Variants in DAB1 observed in about 807,000 individuals in gnomAD.
DAB1 encodes the protein DAB adaptor protein 1.
Under a neutral mutation model 64.6 loss-of-function variants are expected in DAB1, and 15 were observed. That is an observed-to-expected ratio of 0.23 (90% CI 0.16 to 0.36). The LOEUF (loss-of-function observed/expected upper bound fraction) is 0.36. Ranked by LOEUF, DAB1 falls within the 10% of genes least tolerant of loss-of-function variation. The pLI, the probability that DAB1 is intolerant of heterozygous loss-of-function variation, is 1.00. For missense variants in DAB1, 596 were observed against 706.7 expected, an observed-to-expected ratio of 0.84 and a Z score of 1.78; for synonymous variants, 235 against 251.9, an observed-to-expected ratio of 0.93 and a Z score of 0.64.
intron 2 of DAB1, among the ~76,000 whole-genome samples, chr1:57,230,669 T>C (rs896495071): frequency 4.4e-5 from 5 of 114,512 alleles, no homozygotes; most frequent in Non-Finnish European, 1.0e-4. Context: ...AGGGTACATG[T>C]GATATTTTGA....
intron 3 of DAB1, among the ~76,000 whole-genome samples, chr1:58,393,996 T>C (rs1381917435): frequency 6.6e-6 from 1 of 152,188 alleles, no homozygotes; most frequent in East Asian, 1.9e-4. Context: ...TATGTAATTA[T>C]TATTTGTCAA....
intron 6 of DAB1, among the ~76,000 whole-genome samples, chr1:57,686,436 G>A (rs778845770): frequency 7.9e-5 from 12 of 151,982 alleles, no homozygotes; most frequent in East Asian, 1.9e-4. Context: ...GAAAAACCGC[G>A]GACCAGATGG....
At chr1:57,396,150 G>A (rs1169593579) in intron 1 of DAB1, among the ~76,000 whole-genome samples, 1 of 152,158 alleles carries the variant, frequency 6.6e-6, no homozygotes, top group Non-Finnish European at 1.5e-5. Flanking sequence ...CACTTCAGTG[G>A]GCTCTCACAC....
intron 5 of DAB1, among the ~76,000 whole-genome samples, chr1:57,975,180 G>A (rs1405164082): frequency 6.6e-6 from 1 of 152,120 alleles, no homozygotes; most frequent in Non-Finnish European, 1.5e-5. Context: ...AGCAAAACCA[G>A]AAAGTGAGTC....
chr1:57,197,173 T>TA (rs1242216868), intron 2 of DAB1, among the ~76,000 whole-genome samples: 1 of 151,858 alleles, frequency 6.6e-6, no homozygotes, highest in Non-Finnish European at 1.5e-5. Flanking sequence ...CCATCTCTAC[T>TA]AAAAAAACAA....
chr1:58,113,436 G>A (rs1336398918), intron 5 of DAB1, among the ~76,000 whole-genome samples: 2 of 152,048 alleles, frequency 1.3e-5, no homozygotes, highest in Admixed American at 1.3e-4. Flanking sequence ...AGCAAACTTC[G>A]GATTCCTCCA....
At chr1:57,265,774 G>A (rs749592932) in intron 2 of DAB1, among the ~76,000 whole-genome samples, 21 of 152,298 alleles carry the variant, frequency 1.4e-4, no homozygotes, top group Non-Finnish European at 2.5e-4. Context: ...CAGACGGAGA[G>A]CAGGCTTGGA....
intron 1 of DAB1, among the ~76,000 whole-genome samples, chr1:57,367,125 A>ATAAG (rs1558249833): frequency 3.7e-4 from 55 of 150,440 alleles, no homozygotes; most frequent in Non-Finnish European, 6.2e-4. Flanking sequence ...AAATAAATAA[A>ATAAG]TTAGCCAGGC....
chr1:57,335,887 G>C (rs1328804481), intron 1 of DAB1, among the ~76,000 whole-genome samples: 1 of 152,162 alleles, frequency 6.6e-6, no homozygotes, highest in Non-Finnish European at 1.5e-5. Context: ...CATGCATTTT[G>C]AATCCCACAG....
chr1:57,295,039 T>A (rs973106311), intron 1 of DAB1, among the ~76,000 whole-genome samples: 3 of 152,122 alleles, frequency 2.0e-5, no homozygotes, highest in African/African-American at 7.2e-5. Context: ...TCCCTGGAGA[T>A]GGAATGCAGA....
intron 3 of DAB1, among the ~76,000 whole-genome samples, chr1:58,401,743 T>C (rs536674744): frequency 6.6e-6 from 1 of 152,348 alleles, no homozygotes; most frequent in East Asian, 1.9e-4. Flanking sequence ...GGGTATCACC[T>C]TCTTCCTTTC....
Position 58,300,639 on chromosome 1 carries a change from AGAG to A in DAB1, n.309+42710_309+42712del, listed in dbSNP as rs1557726256. 3.5e-3 allele frequency among the ~76,000 whole-genome samples: 209 copies of A among 59,666 alleles called. 5 individuals are homozygous for A. The highest frequency in any genetic ancestry group is 0.027 in the East Asian group (45 of 1,654). The allele number at this position is 59,666 out of a possible 152,430, so 39.1% of individuals were successfully genotyped here. On this transcript the variant is annotated intron_variant and non_coding_transcript_variant, in intron 4 of 20. Transcript: ENST00000485760. ...GAGAGAGAGAGAGAGAGAGAGAGAG[AGAG>A]AGAGAGGAAGGAAGGAAGGAAGGAA...
intron 5 of DAB1, among the ~76,000 whole-genome samples, chr1:58,031,551 C>A (rs765684839): frequency 3.3e-5 from 5 of 152,130 alleles, no homozygotes; most frequent in Non-Finnish European, 7.4e-5. Flanking sequence ...TGGCTTCAGC[C>A]CTCAGCTGCC....
At position 58,537,368 on chromosome 1, in the gene DAB1, G is replaced by C. The variant is rs139867763; in HGVS notation, n.32+9335C>G. Among the ~76,000 whole-genome samples, 823 of 152,236 alleles carry C rather than the reference G, an allele frequency of 5.4e-3. 6 individuals carry two copies. Among genetic ancestry groups the C allele is most frequent in the African/African-American group, 0.019 (790 of 41,532 alleles). Reference sequence around the variant, plus strand: ...TTGCCAGTGATTCCACAAGGTACAAGGGAAACTGCCTCAGCATTCATTTTG... The same window carrying C: ...TTGCCAGTGATTCCACAAGGTACAACGGAAACTGCCTCAGCATTCATTTTG... On this transcript the variant is annotated intron_variant and non_coding_transcript_variant, in intron 1 of 20. Transcript: ENST00000485760.
intron 1 of DAB1, among the ~76,000 whole-genome samples, chr1:57,375,805 C>G (rs1680849173): frequency 1.3e-5 from 2 of 152,186 alleles, no homozygotes; most frequent in African/African-American, 2.4e-5. Context: ...TCCTTAGAAT[C>G]TAATACAGTG....
At chr1:57,261,918 T>A (rs1486758898) in intron 2 of DAB1, among the ~76,000 whole-genome samples, 1 of 152,194 alleles carries the variant, frequency 6.6e-6, no homozygotes, top group Admixed American at 6.5e-5. Context: ...AGTCACTGAT[T>A]TATTTGTTAT....
At chr1:58,368,098 T>G (rs1359124243) in intron 3 of DAB1, among the ~76,000 whole-genome samples, 1 of 152,240 alleles carries the variant, frequency 6.6e-6, no homozygotes, top group African/African-American at 2.4e-5. Flanking sequence ...ACAAAATGTT[T>G]GCTTTCTGGA....
At chr1:57,297,889 C>T (rs187248526) in intron 1 of DAB1, among the ~76,000 whole-genome samples, 1 of 152,240 alleles carries the variant, frequency 6.6e-6, no homozygotes, top group African/African-American at 2.4e-5. Flanking sequence ...CCTGTAACTC[C>T]CCAGACTGCC....
At chr1:57,701,739 C>A (rs1180842571) in intron 6 of DAB1, among the ~76,000 whole-genome samples, 1 of 151,764 alleles carries the variant, frequency 6.6e-6, no homozygotes, top group African/African-American at 2.4e-5. Flanking sequence ...AAAAAATAGT[C>A]TTCAAGTTCA....
Sources: gnomAD v4.1 joint callset for allele counts (sites outside exome capture counted in the v4.1 genomes callset) on GRCh38, gnomAD v4.1.1 for gene constraint, MANE v1.5 for transcripts, NCBI Gene and HGNC (gene_info 2026-07-23, HGNC 2026-07-21) for gene names.